SAMD3: variants seen among roughly 807,000 people sequenced by gnomAD.
SAMD3 encodes sterile alpha motif domain containing 3.
A neutral mutation model predicts 58.5 loss-of-function variants in SAMD3; 63 were observed. That is an observed-to-expected ratio of 1.08 (90% CI 0.88 to 1.33). The LOEUF is 1.33. Ranked by LOEUF, SAMD3 falls within the 40% of genes most tolerant of loss-of-function variation. The pLI is 0.00. For missense variants in SAMD3, 604 were observed against 608.4 expected (o/e 0.99, Z 0.08); for synonymous variants, 220 against 210.3 (o/e 1.05, Z -0.40).
At chr6:130,181,805 G>A (rs896449054) in intron 7 of SAMD3, among the ~76,000 whole-genome samples, 2 of 151,952 alleles carry the variant, frequency 1.3e-5, no homozygotes, top group African/African-American at 4.8e-5. Context: ...TGAATTTTGA[G>A]CTATGTAAAT....
At chr6:130,242,956 C>A (rs1024224013) in intron 2 of SAMD3, among the ~76,000 whole-genome samples, 2 of 152,138 alleles carry the variant, frequency 1.3e-5, no homozygotes, top group Non-Finnish European at 2.9e-5. Flanking sequence ...TCCTTCATTG[C>A]CTGGGGTATC....
rs139287335 is a variant in SAMD3 at position 130,319,304 on chromosome 6, C to G, written c.-303-6211G>C. Among the ~76,000 whole-genome samples, 595 of 152,036 alleles carry G rather than the reference C, an allele frequency of 3.9e-3. 5 individuals carry two copies. Among genetic ancestry groups the G allele is most frequent in the Middle Eastern group, 0.01 (3 of 294 alleles). ...CAGGTCTAAGAATCTTAAAGAACTCCAAGCATAGGAAACATGAAGAAAAGT... is the reference window on the plus strand; with the variant it reads ...CAGGTCTAAGAATCTTAAAGAACTCGAAGCATAGGAAACATGAAGAAAAGT... On this transcript the variant is annotated intron_variant, in intron 1 of 13. Coordinates refer to the SAMD3 transcript ENST00000368134.
At chr6:130,311,927 A>G (rs988370830) in intron 2 of SAMD3, among the ~76,000 whole-genome samples, 1 of 152,146 alleles carries the variant, frequency 6.6e-6, no homozygotes, top group Admixed American at 6.6e-5. Flanking sequence ...AAGAAGTACC[A>G]GCGAGAGAAG....
Position 130,335,728 on chromosome 6 carries a change from G to A in SAMD3, c.-303-22635C>T, listed in dbSNP as rs537150593. Reference sequence around the variant, plus strand: ...ACACATGCACACGTATGTTTATTGCGGCTCTATTCACAATAGCAAAGACTT... The same window carrying A: ...ACACATGCACACGTATGTTTATTGCAGCTCTATTCACAATAGCAAAGACTT... On this transcript the variant is annotated intron_variant, in intron 1 of 13. Coordinates refer to the SAMD3 transcript ENST00000368134. Among the ~76,000 whole-genome samples, 18 of 152,136 alleles carry A rather than the reference G, an allele frequency of 1.2e-4. No individual in the cohort carries two copies. In the East Asian group the frequency reaches 2.5e-3, roughly 21 times the overall value.
intron 5 of SAMD3, among the ~76,000 whole-genome samples, chr6:130,190,969 G>A (rs1793488577): frequency 6.6e-6 from 1 of 151,832 alleles, no homozygotes; most frequent in Middle Eastern, 3.2e-3. Context: ...GGGAACCAAT[G>A]TAGAATTTAA....
At chr6:130,236,231 C>A (rs762727754) in intron 2 of SAMD3, among the ~76,000 whole-genome samples, 1 of 152,072 alleles carries the variant, frequency 6.6e-6, no homozygotes, top group African/African-American at 2.4e-5. Flanking sequence ...TGATTAAATA[C>A]GGTGGATTAC....
At chr6:130,229,297 C>G (rs1004347106) in intron 2 of SAMD3, among the ~76,000 whole-genome samples, 6 of 152,152 alleles carry the variant, frequency 3.9e-5, no homozygotes, top group Non-Finnish European at 5.9e-5. Context: ...GGTAAGATTC[C>G]CCACTAGAGC....
chr6:130,349,307 A>T (rs1777569895), intron 1 of SAMD3, among the ~76,000 whole-genome samples: 1 of 152,210 alleles, frequency 6.6e-6, no homozygotes, highest in South Asian at 2.1e-4. Flanking sequence ...TTTTGAAAAG[A>T]TCAACAAAAT....
intron 2 of SAMD3, among the ~76,000 whole-genome samples, chr6:130,258,566 C>T (rs939405524): frequency 6.6e-6 from 1 of 152,100 alleles, no homozygotes; most frequent in Non-Finnish European, 1.5e-5. Context: ...TATGAATAGT[C>T]CTGTGAAATT....
chr6:130,321,427 G>A (rs1033463173), intron 1 of SAMD3, among the ~76,000 whole-genome samples: 2 of 152,152 alleles, frequency 1.3e-5, no homozygotes, highest in Non-Finnish European at 2.9e-5. Flanking sequence ...CAGGCACCCA[G>A]TTCATCTGCA....
intron 1 of SAMD3, among the ~76,000 whole-genome samples, chr6:130,221,999 G>T (rs1053133035): frequency 1.3e-5 from 2 of 152,118 alleles, no homozygotes; most frequent in African/African-American, 4.8e-5. Flanking sequence ...AAGGTCAGTT[G>T]TTCTCTTACA....
intron 1 of SAMD3, among the ~76,000 whole-genome samples, chr6:130,320,333 A>G (rs1046742748): frequency 5.9e-5 from 9 of 152,164 alleles, no homozygotes; most frequent in Non-Finnish European, 1.0e-4. Flanking sequence ...GAGGAAAGGA[A>G]AACTAAAGCC....
intron 2 of SAMD3, among the ~76,000 whole-genome samples, chr6:130,298,152 T>A (rs1775630960): frequency 1.3e-5 from 2 of 152,108 alleles, no homozygotes; most frequent in Admixed American, 1.3e-4. Flanking sequence ...AAATTACCTA[T>A]AAAGGAAATC....
chr6:130,350,338 A>C (rs1160343821), intron 1 of SAMD3, among the ~76,000 whole-genome samples: 2 of 152,144 alleles, frequency 1.3e-5, no homozygotes, highest in Non-Finnish European at 2.9e-5. Flanking sequence ...ATCTCAGCCA[A>C]AAATCTCCTT....
chr6:130,359,902 T>C (rs921612862), intron 1 of SAMD3, among the ~76,000 whole-genome samples: 2 of 152,176 alleles, frequency 1.3e-5, no homozygotes, highest in Non-Finnish European at 2.9e-5. Context: ...CACTCTAACA[T>C]GAGTCATGTT....
chr6:130,213,667 A>G (rs937678846), intron 4 of SAMD3, among the ~76,000 whole-genome samples: 8 of 152,206 alleles, frequency 5.3e-5, no homozygotes, highest in Admixed American at 3.9e-4. Context: ...GAAATTTTTA[A>G]TCTTATAAAT....
chr6:130,264,757 A>C (rs557096254), intron 2 of SAMD3, among the ~76,000 whole-genome samples: 9 of 152,324 alleles, frequency 5.9e-5, no homozygotes, highest in African/African-American at 2.2e-4. Context: ...TATTACAACC[A>C]ACAGCAACAA....
chr6:130,252,646 T>C (rs1773777879), intron 2 of SAMD3, among the ~76,000 whole-genome samples: 1 of 152,194 alleles, frequency 6.6e-6, no homozygotes, highest in African/African-American at 2.4e-5. Flanking sequence ...AAAACACAAG[T>C]AGAAACTTGA....
intron 1 of SAMD3, among the ~76,000 whole-genome samples, chr6:130,357,665 G>A (rs899782290): frequency 1.4e-4 from 22 of 152,214 alleles, no homozygotes; most frequent in Admixed American, 8.5e-4. Context: ...TCCTTGGCAA[G>A]TTAAACTCTC....
Sources: allele counts gnomAD v4.1 joint callset (sites outside exome capture counted in the v4.1 genomes callset), GRCh38; gene constraint gnomAD v4.1.1; transcripts MANE v1.5; gene names NCBI Gene and HGNC (gene_info 2026-07-23, HGNC 2026-07-21).